HRH1: variants seen among roughly 807,000 people sequenced by gnomAD.
HRH1 encodes histamine H1 receptor.
In HRH1, 6 loss-of-function variants were observed where a neutral mutation model predicts 10.3. The ratio of observed to expected loss-of-function variants is 0.58; its 90% confidence interval spans 0.32 to 1.15. The LOEUF is 1.15. Among genes scored for constraint, HRH1 ranks in the 50% most tolerant of loss-of-function variants. HRH1 has a pLI of 0.05. For synonymous variants in HRH1, 242 were observed against 236.7 expected (o/e 1.02, Z -0.21); for missense variants, 514 against 615.3 (o/e 0.84, Z 1.74).
Position 11,260,183 on chromosome 3 carries a change from A to G in HRH1, c.1146A>G (p.Thr382=). ...GKGKLRSGSN[T]GLDYIKFTWK... ...GCAAATTGAGGAGTGGGTCTAACAC[A>G]GGCCTGGATTACATCAAGTTTACTT... is the stretch of plus-strand genomic sequence containing the variant. The change falls in exon 2 of 2, where the codon ACA becomes ACG. Residue 382 remains threonine (T), a synonymous_variant. Transcript: ENST00000431010. 1.2e-6 allele frequency: 2 copies of G among 1,614,064 alleles called. No individual in the cohort carries two copies. Among genetic ancestry groups the G allele is most frequent in the South Asian group, 2.2e-5 (2 of 91,076 alleles).
In HRH1 at chr3:11,202,443, T is replaced by A. The variant is rs1318986122; in HGVS notation, c.-36+47889T>A. On this transcript the variant is annotated intron_variant, in intron 1 of 1. Transcript: ENST00000431010. Reference sequence around the variant, plus strand: ...ATAAATAAATAAATAAATAATTAATTAAAAATAAAGGGAACCTTTGTTTGG... The same window carrying A: ...ATAAATAAATAAATAAATAATTAATAAAAAATAAAGGGAACCTTTGTTTGG... Among the ~76,000 whole-genome samples, 4 of 149,164 alleles carry A rather than the reference T, an allele frequency of 2.7e-5. No individual in the cohort carries two copies. In the East Asian group the frequency reaches 6.0e-4, roughly 22 times the overall value.
chr3:11,225,776 C>T (rs1430942588), intron 1 of HRH1, among the ~76,000 whole-genome samples: 2 of 152,260 alleles, frequency 1.3e-5, no homozygotes, highest in African/African-American at 4.8e-5. Context: ...ACCTCTGCCT[C>T]CCGGGTTCAG....
intron 1 of HRH1, among the ~76,000 whole-genome samples, chr3:11,231,308 T>C (rs535912684): frequency 6.6e-6 from 1 of 152,362 alleles, no homozygotes; most frequent in South Asian, 2.1e-4. Context: ...ATGTTCAGTT[T>C]TTTTTTCTGG....
chr3:11,172,734 G>A (rs547299020), intron 1 of HRH1, among the ~76,000 whole-genome samples: 37 of 138,452 alleles, frequency 2.7e-4, no homozygotes, highest in African/African-American at 1.1e-3. Flanking sequence ...ATGGAGTCTC[G>A]CTCTGTCCCC....
intron 1 of HRH1, among the ~76,000 whole-genome samples, chr3:11,172,797 G>A (rs1937179017): frequency 6.7e-6 from 1 of 149,570 alleles, no homozygotes; most frequent in African/African-American, 2.5e-5. Context: ...CGCCTCCCAG[G>A]TTCACGCCAT....
intron 1 of HRH1, among the ~76,000 whole-genome samples, chr3:11,177,139 T>A (rs939088961): frequency 1.1e-4 from 17 of 150,966 alleles, no homozygotes; most frequent in Non-Finnish European, 1.8e-4. Context: ...AGTGGCTCAC[T>A]CCTATAATCC....
chr3:11,235,852 C>T (rs1251996868), intron 1 of HRH1, among the ~76,000 whole-genome samples: 2 of 152,238 alleles, frequency 1.3e-5, no homozygotes, highest in Admixed American at 1.3e-4. Context: ...TAGGCAGCCT[C>T]TTTCCCAGTC....
At chr3:11,179,891 C>T (rs1937320097) in intron 1 of HRH1, among the ~76,000 whole-genome samples, 1 of 151,830 alleles carries the variant, frequency 6.6e-6, no homozygotes, top group South Asian at 2.1e-4. Context: ...CCACTTCAGC[C>T]TCCTCAGTAG....
At chr3:11,191,110 G>A (rs1937524209) in intron 1 of HRH1, among the ~76,000 whole-genome samples, 1 of 152,190 alleles carries the variant, frequency 6.6e-6, no homozygotes, top group African/African-American at 2.4e-5. Context: ...GGCATCCTTA[G>A]TAATACTTCC....
intron 1 of HRH1, among the ~76,000 whole-genome samples, chr3:11,258,365 G>T (rs1023974183): frequency 6.6e-6 from 1 of 152,002 alleles, no homozygotes; most frequent in East Asian, 1.9e-4. Flanking sequence ...TGACAGCAAG[G>T]CCCTAGGCTG....
At chr3:11,155,179 C>T (rs1157586543) in intron 1 of HRH1, among the ~76,000 whole-genome samples, 1 of 152,034 alleles carries the variant, frequency 6.6e-6, no homozygotes, top group Non-Finnish European at 1.5e-5. Flanking sequence ...GGGAACTGTC[C>T]GGACCACCAC....
intron 1 of HRH1, among the ~76,000 whole-genome samples, chr3:11,209,338 C>T (rs1339573485): frequency 1.3e-5 from 2 of 152,140 alleles, no homozygotes; most frequent in Admixed American, 6.5e-5. Flanking sequence ...GTGATCCTCC[C>T]GCCTCAGCCT....
rs1446762386 is a variant in HRH1 at position 11,190,398 on chromosome 3, G to A, written c.-36+35844G>A. On this transcript the variant is annotated intron_variant, in intron 1 of 1. Transcript: ENST00000431010. ...ATTAATTAATTTATTTATTTATTTT[G>A]TAGAGATGGAGTATCACTCTGTCAC... 2.0e-5 allele frequency among the ~76,000 whole-genome samples: 3 copies of A among 150,926 alleles called. No homozygotes were observed. The East Asian group carries it at 5.8e-4, about 29-fold the overall frequency.
intron 1 of HRH1, among the ~76,000 whole-genome samples, chr3:11,171,476 C>T (rs893088847): frequency 2.0e-5 from 3 of 152,072 alleles, no homozygotes; most frequent in Non-Finnish European, 2.9e-5. Context: ...ATGCAGTGGC[C>T]GCTGCTGCAC....
intron 1 of HRH1, among the ~76,000 whole-genome samples, chr3:11,213,363 G>A (rs1308469700): frequency 6.6e-6 from 1 of 152,174 alleles, no homozygotes; most frequent in Non-Finnish European, 1.5e-5. Flanking sequence ...GGGCTCCTTA[G>A]CATCTCTGAG....
At chr3:11,184,328 G>A (rs1265786107) in intron 1 of HRH1, among the ~76,000 whole-genome samples, 2 of 152,070 alleles carry the variant, frequency 1.3e-5, no homozygotes, top group Admixed American at 6.6e-5. Flanking sequence ...ATAGAGACAC[G>A]GAGAGGTTAA....
At chr3:11,192,552 A>T (rs566236913) in intron 1 of HRH1, among the ~76,000 whole-genome samples, 1 of 152,230 alleles carries the variant, frequency 6.6e-6, no homozygotes, top group East Asian at 1.9e-4. Context: ...CTTTTGGTGA[A>T]CATATGCATG....
At chr3:11,231,798 G>T (rs1939047610) in intron 1 of HRH1, among the ~76,000 whole-genome samples, 1 of 151,820 alleles carries the variant, frequency 6.6e-6, no homozygotes, top group Admixed American at 6.6e-5. Flanking sequence ...CTCTTAACAG[G>T]GTCTTTCACA....
At chr3:11,208,153 C>CT (rs113950173) in intron 1 of HRH1, among the ~76,000 whole-genome samples, 6,029 of 139,902 alleles carry the variant, frequency 0.043, 151 homozygotes, top group Non-Finnish European at 0.059. Context: ...CCAGTTTTTT[C>CT]TTTTTTTTTT....
Sources: allele counts gnomAD v4.1 joint callset (sites outside exome capture counted in the v4.1 genomes callset), GRCh38; gene constraint gnomAD v4.1.1; transcripts MANE v1.5; gene names NCBI Gene and HGNC (gene_info 2026-07-23, HGNC 2026-07-21).